Variants in PUM1 observed in about 807,000 individuals in gnomAD.
The protein encoded by PUM1 is pumilio RNA binding family member 1.
A neutral mutation model predicts 131.8 loss-of-function variants in PUM1; 13 were observed. The observed-to-expected ratio is 0.10, with a 90% CI of 0.06 to 0.16. PUM1 has a LOEUF of 0.16. Among genes scored for constraint, PUM1 ranks in the 10% least tolerant of loss-of-function variants. The pLI is 1.00. For missense variants in PUM1, 961 were observed against 1,512.4 expected (o/e 0.64, Z 6.05); for synonymous variants, 509 against 556.5 (o/e 0.91, Z 1.20).
At chr1:30,992,219 C>A (rs1343593805) in intron 7 of PUM1, among the ~76,000 whole-genome samples, 171 bp downstream of exon 7, 1 of 152,142 alleles carries the variant, frequency 6.6e-6, no homozygotes, top group Non-Finnish European at 1.5e-5. Context: ...AGCATAGGGA[C>A]CAGCTTCATG....
intron 9 of PUM1, 126 bp downstream of exon 9, chr1:30,979,936 T>C (rs1421753127): frequency 4.6e-6 from 3 of 647,758 alleles, no homozygotes; most frequent in East Asian, 2.9e-5. Context: ...GGCAGGTAGA[T>C]GGCATTGAAA....
chr1:30,939,043 G>C (rs1438709612), intron 20 of PUM1, among the ~76,000 whole-genome samples: 1 of 152,110 alleles, frequency 6.6e-6, no homozygotes, highest in African/African-American at 2.4e-5. Flanking sequence ...TACAACCTGA[G>C]TATATTTAAA....
Position 30,932,111 on chromosome 1 carries a change from A to T in PUM1, c.*1100T>A, listed in dbSNP as rs894688092. 6.6e-6 allele frequency: 1 copy of T among 152,634 alleles called. No individual in the cohort carries two copies. Among genetic ancestry groups the T allele is most frequent in the Non-Finnish European group, 1.5e-5 (1 of 68,038 alleles). 9.5% of individuals were successfully genotyped at this position (152,634 alleles called of 1,614,324 possible). On this transcript the variant is annotated 3_prime_UTR_variant, in exon 22 of 22. Transcript: ENST00000426105. Reference sequence around the variant, plus strand: ...GTTGAAATTACAATTTACAATATACAACACTATATGCTACGACCATAAAAG... The same window carrying T: ...GTTGAAATTACAATTTACAATATACTACACTATATGCTACGACCATAAAAG...
chr1:30,945,250 A>C, intron 18 of PUM1, 96 bp downstream of exon 18: 1 of 1,397,476 alleles, frequency 7.2e-7, no homozygotes, highest in Non-Finnish European at 1.0e-6. Flanking sequence ...AATAAAGTAC[A>C]TTAAGCATAT....
chr1:31,035,371 T>C (rs890847355), intron 2 of PUM1, among the ~76,000 whole-genome samples: 22 of 146,250 alleles, frequency 1.5e-4, no homozygotes, highest in Admixed American at 8.9e-4. Flanking sequence ...CCAACCTGGG[T>C]GACAAAACAA....
intron 2 of PUM1, among the ~76,000 whole-genome samples, chr1:31,040,505 G>C (rs1473309098): frequency 1.3e-5 from 2 of 152,216 alleles, no homozygotes; most frequent in African/African-American, 4.8e-5. Context: ...GCACTAGTAT[G>C]CTGAGAAACT....
chr1:30,960,955 C>T (rs1283016531), intron 14 of PUM1, among the ~76,000 whole-genome samples: 1 of 150,236 alleles, frequency 6.7e-6, no homozygotes, highest in Non-Finnish European at 1.5e-5. Context: ...AAAACTAGTG[C>T]ATTTTAAAAG....
At chr1:31,035,222 G>C (rs1463248453) in intron 2 of PUM1, among the ~76,000 whole-genome samples, 11 of 151,750 alleles carry the variant, frequency 7.2e-5, no homozygotes, top group Non-Finnish European at 1.6e-4. Context: ...GAAAAATCCT[G>C]TCTCTATTAA....
At chr1:31,009,574 T>C (rs1642521178) in intron 3 of PUM1, among the ~76,000 whole-genome samples, 1 of 151,958 alleles carries the variant, frequency 6.6e-6, no homozygotes, top group African/African-American at 2.4e-5. Context: ...GAGACTAGAA[T>C]GGCCAACATG....
Position 30,992,579 on chromosome 1 carries a change from G to A in PUM1, c.969C>T (p.Ala323=), listed in dbSNP as rs1641832566. Residue 323 remains alanine (A), a synonymous_variant, in exon 7 of 22, where the codon GCC becomes GCT. Coordinates refer to ENST00000426105, the MANE Select transcript of PUM1 (RefSeq NM_001020658.2). ...TGGCACCATTGGTGCTGGTCAGCTG[G>A]GCTAAGCCCTCAGAACCATTCTGGT... ...GPNQNGSEGL[A]QLTSTNGAKP... 5 of 1,614,026 alleles carry A rather than the reference G, an allele frequency of 3.1e-6. No individual in the cohort carries two copies. The South Asian group carries it at 5.5e-5, about 18-fold the overall frequency.
intron 17 of PUM1, among the ~76,000 whole-genome samples, chr1:30,947,009 G>A (rs1639704374): frequency 6.6e-6 from 1 of 152,152 alleles, no homozygotes; most frequent in Non-Finnish European, 1.5e-5. Context: ...AATTAAGCTA[G>A]AGTTTACCCC....
At chr1:31,026,430 T>C (rs1294353861) in intron 3 of PUM1, among the ~76,000 whole-genome samples, 1 of 152,206 alleles carries the variant, frequency 6.6e-6, no homozygotes, top group East Asian at 1.9e-4. Context: ...TAACTAGTCC[T>C]GTCAATAATG....
chr1:31,049,825 T>TC (rs1644065283), intron 2 of PUM1, among the ~76,000 whole-genome samples: 1 of 68,458 alleles, frequency 1.5e-5, no homozygotes, highest in Non-Finnish European at 2.5e-5. Context: ...TGAACTTCCT[T>TC]TTTTTTTTTT....
chr1:31,033,376 CTTTTTTTTTTTTT>C (rs748444500), intron 2 of PUM1, among the ~76,000 whole-genome samples: 41,256 of 103,736 alleles, frequency 0.4, 6,609 homozygotes, highest in Admixed American at 0.45. Context: ...AGCTAATTTT[CTTTTTTTTTTTTT>C]TTTTTTTTTT....
intron 17 of PUM1, among the ~76,000 whole-genome samples, chr1:30,948,799 ATC>A (rs998145296): frequency 6.6e-6 from 1 of 152,188 alleles, no homozygotes; most frequent in Non-Finnish European, 1.5e-5. Context: ...CAATTCAACT[ATC>A]TATGAAAATC....
intron 20 of PUM1, 35 bp downstream of exon 20, chr1:30,941,116 T>G: frequency 6.3e-7 from 1 of 1,587,410 alleles, no homozygotes; most frequent in African/African-American, 1.3e-5. Flanking sequence ...AATCCTCTCT[T>G]CTGGGAAATA....
chr1:31,042,199 A>G (rs1032202967), intron 2 of PUM1, among the ~76,000 whole-genome samples: 1 of 151,984 alleles, frequency 6.6e-6, no homozygotes, highest in Non-Finnish European at 1.5e-5. Flanking sequence ...CCAGCTACTC[A>G]GGAGGCTGAG....
chr1:30,991,478 C>G (rs975272695), intron 7 of PUM1, among the ~76,000 whole-genome samples: 13 of 152,136 alleles, frequency 8.5e-5, no homozygotes, highest in African/African-American at 2.4e-5. Context: ...AAAGGTACAA[C>G]ACGGCATAAT....
chr1:31,015,170 T>C (rs1420175512), intron 3 of PUM1, among the ~76,000 whole-genome samples: 7 of 152,176 alleles, frequency 4.6e-5, no homozygotes, highest in Non-Finnish European at 8.8e-5. Context: ...AGAAGAGTGT[T>C]TGTTAGTGCA....
Sources: allele counts gnomAD v4.1 joint callset (sites outside exome capture counted in the v4.1 genomes callset), GRCh38; gene constraint gnomAD v4.1.1; transcripts MANE v1.5; gene names NCBI Gene and HGNC (gene_info 2026-07-23, HGNC 2026-07-21).